The following MYO16 variants were observed in gnomAD, a reference collection of about 807,000 sequenced individuals.
MYO16 encodes the protein myosin XVI, also known as unconventional myosin-XVI.
Under a neutral mutation model 205.3 loss-of-function variants are expected in MYO16, and 94 were observed. That is an observed-to-expected ratio of 0.46 (90% CI 0.39 to 0.54). MYO16 has a LOEUF of 0.54. Among genes scored for constraint, MYO16 ranks in the 20% least tolerant of loss-of-function variants. The probability of loss-of-function intolerance (pLI) is 0.00; values close to 1 mark genes in which losing one functional copy is unlikely to be tolerated. For missense variants in MYO16, 2,315 were observed against 2,387.5 expected, an observed-to-expected ratio of 0.97 and a Z score of 0.63; for synonymous variants, 988 against 954.0, an observed-to-expected ratio of 1.04 and a Z score of -0.66.
At chr13:108,518,233 A>G in the MYO16 span, among the ~76,000 whole-genome samples, 1 of 152,240 alleles carries the variant, frequency 6.6e-6, no homozygotes, top group South Asian at 2.1e-4. Flanking sequence ...TGTTGTCTAT[A>G]CAGTTGACCT....
At chr13:109,191,196 G>A (rs575303046) in intron 34 of MYO16, among the ~76,000 whole-genome samples, 7 of 152,056 alleles carry the variant, frequency 4.6e-5, no homozygotes, top group Non-Finnish European at 8.8e-5. Context: ...TCCAGCCTGG[G>A]GGACAAGAGC....
At chr13:109,123,944 T>C (rs1876118360) in intron 29 of MYO16, among the ~76,000 whole-genome samples, 1 of 152,232 alleles carries the variant, frequency 6.6e-6, no homozygotes, top group Non-Finnish European at 1.5e-5. Flanking sequence ...TTCCTGAAAT[T>C]ATAACTCTTC....
At chr13:108,692,702 G>A (rs986229689) in intron 2 of MYO16, among the ~76,000 whole-genome samples, 1 of 152,084 alleles carries the variant, frequency 6.6e-6, no homozygotes, top group Admixed American at 6.6e-5. Context: ...TGCTTAATGG[G>A]GCATATGTCT....
chr13:108,957,588 T>C, intron 16 of MYO16, 100 bp from the exon 17 acceptor site: 1 of 744,324 alleles, frequency 1.3e-6, no homozygotes, highest in South Asian at 1.7e-5. Flanking sequence ...TCCAGGTGAT[T>C]CCCATCATTT....
At chr13:108,913,551 A>C (rs530712386) in intron 16 of MYO16, among the ~76,000 whole-genome samples, 10 of 152,222 alleles carry the variant, frequency 6.6e-5, no homozygotes, top group Non-Finnish European at 1.0e-4. Flanking sequence ...GCTTGTTCAC[A>C]ATTAGAAATG....
chr13:109,119,126 T>TATG (rs1328942223), intron 28 of MYO16, among the ~76,000 whole-genome samples: 3 of 152,218 alleles, frequency 2.0e-5, no homozygotes, highest in African/African-American at 7.2e-5. Flanking sequence ...GTGTTTGGAA[T>TATG]AAACTCCATT....
At chr13:108,814,248 T>C (rs1310540084) in intron 7 of MYO16, among the ~76,000 whole-genome samples, 1 of 152,200 alleles carries the variant, frequency 6.6e-6, no homozygotes, top group Non-Finnish European at 1.5e-5. Flanking sequence ...TCTAACCTTT[T>C]TGCAAAGATA....
At chr13:108,906,744 A>G (rs758827479) in intron 15 of MYO16, among the ~76,000 whole-genome samples, 31 of 152,172 alleles carry the variant, frequency 2.0e-4, no homozygotes, top group Non-Finnish European at 3.8e-4. Context: ...AAGTGGTAGC[A>G]TCTTCCTCTT....
intron 23 of MYO16, among the ~76,000 whole-genome samples, chr13:109,042,156 G>A (rs1309422002): frequency 6.6e-6 from 1 of 152,180 alleles, no homozygotes; most frequent in East Asian, 1.9e-4. Flanking sequence ...GAGCCACTGG[G>A]CTGGGCCCTC....
At chr13:109,009,765 ATTATT>A (rs569231697) in intron 22 of MYO16, among the ~76,000 whole-genome samples, 103 of 152,312 alleles carry the variant, frequency 6.8e-4, no homozygotes, top group African/African-American at 2.4e-3. Context: ...AGATTTCTAA[ATTATT>A]TTATTTTATG....
chr13:108,578,989 A>C, the MYO16 span, among the ~76,000 whole-genome samples: 2 of 151,712 alleles, frequency 1.3e-5, no homozygotes, highest in East Asian at 3.8e-4. Context: ...AACACTGTAA[A>C]TATAATGGCT....
At chr13:109,073,819 G>A (rs1316490115) in intron 27 of MYO16, among the ~76,000 whole-genome samples, 1 of 152,210 alleles carries the variant, frequency 6.6e-6, no homozygotes, top group African/African-American at 2.4e-5. Flanking sequence ...AATATGAGTA[G>A]TTTTGCTGTT....
intron 2 of MYO16, among the ~76,000 whole-genome samples, chr13:108,696,103 A>G (rs1883081497): frequency 1.3e-5 from 2 of 152,184 alleles, no homozygotes; most frequent in Non-Finnish European, 2.9e-5. Context: ...CATTGCTGTG[A>G]ACGTGTAGCA....
At chr13:108,550,283 A>G in the MYO16 span, among the ~76,000 whole-genome samples, 1 of 152,236 alleles carries the variant, frequency 6.6e-6, no homozygotes, top group East Asian at 1.9e-4. Flanking sequence ...AACCTTTGCA[A>G]TTGTCTGGTA....
intron 33 of MYO16, among the ~76,000 whole-genome samples, chr13:109,177,910 G>T (rs1879281904): frequency 6.6e-6 from 1 of 152,148 alleles, no homozygotes; most frequent in South Asian, 2.1e-4. Flanking sequence ...CTGGTGAACT[G>T]GTTTCTTTAT....
chr13:108,970,380 T>C (rs1027993640), intron 20 of MYO16, among the ~76,000 whole-genome samples: 3 of 152,230 alleles, frequency 2.0e-5, no homozygotes, highest in Admixed American at 6.5e-5. Context: ...GACTCTGAGA[T>C]AAAACTTAAT....
At chr13:108,678,266 A>G (rs2139461734) in intron 2 of MYO16, among the ~76,000 whole-genome samples, 1 of 152,336 alleles carries the variant, frequency 6.6e-6, no homozygotes, top group South Asian at 2.1e-4. Context: ...ATTTGCAAAC[A>G]GTGTTAAAAC....
At chr13:109,081,147 T>C (rs1888269775) in intron 27 of MYO16, among the ~76,000 whole-genome samples, 1 of 152,216 alleles carries the variant, frequency 6.6e-6, no homozygotes, top group Admixed American at 6.5e-5. Context: ...TCATACGTTA[T>C]TTATTCACTT....
At chr13:108,827,971 T>A (rs1876374589) in intron 9 of MYO16, among the ~76,000 whole-genome samples, 1 of 152,032 alleles carries the variant, frequency 6.6e-6, no homozygotes, top group South Asian at 2.1e-4. Context: ...CTAAGTGGAG[T>A]AGTTCATTGA....
Sources: allele counts gnomAD v4.1 joint callset (sites outside exome capture counted in the v4.1 genomes callset), GRCh38; gene constraint gnomAD v4.1.1; transcripts MANE v1.5; gene names NCBI Gene and HGNC (gene_info 2026-07-23, HGNC 2026-07-21).